CMTM4: variants seen among roughly 807,000 people sequenced by gnomAD.
CMTM4 encodes CKLF like MARVEL transmembrane domain containing 4, also known as CKLF-like MARVEL transmembrane domain-containing protein 4.
CMTM4 carries 8 observed loss-of-function variants against 19.0 expected under a neutral mutation model. The ratio of observed to expected loss-of-function variants is 0.42; its 90% CI spans 0.25 to 0.76. The LOEUF is 0.76. Among genes scored for constraint, CMTM4 ranks in the 30% least tolerant of loss-of-function variants. CMTM4 has a pLI of 0.27. For missense variants in CMTM4, 228 were observed against 290.2 expected, an observed-to-expected ratio of 0.79 and a Z score of 1.56; for synonymous variants, 106 against 121.1, an observed-to-expected ratio of 0.88 and a Z score of 0.82.
At chr16:66,658,729 T>C (rs553619874) in intron 1 of CMTM4, among the ~76,000 whole-genome samples, 1 of 152,204 alleles carries the variant, frequency 6.6e-6, no homozygotes, top group African/African-American at 2.4e-5. Flanking sequence ...GTGCCAGTAC[T>C]CCTCCCACCC....
chr16:66,622,119 C>G lies in CMTM4; in HGVS notation c.566G>C (p.Arg189Pro). 1 of 1,607,684 alleles carries G rather than the reference C, an allele frequency of 6.2e-7. No individual in the cohort carries two copies. Among genetic ancestry groups the G allele is most frequent in the Non-Finnish European group, 8.5e-7 (1 of 1,177,002 alleles). ...VRQQSTNDYI[R>P]ARTESRDVDS... is the part of the protein sequence containing the mutation. ...CACATCCCTGGACTCCGTGCGGGCT[C>G]GGATGTAGTCATTGGTGCTCTGCTG... is the stretch of plus-strand genomic sequence containing the variant. The change falls in exon 4 of 4, where the codon CGA becomes CCA. Residue 189 changes from arginine (R) to proline (P), a missense_variant. By Grantham distance (103) the Arg-to-Pro change is moderately radical. This residue lies in a region of CMTM4 where 200 missense variants were observed against 226.6 expected (regional missense o/e 0.88). Coordinates refer to ENST00000394106, the MANE Select transcript of CMTM4 (RefSeq NM_181521.3). The surrounding 1 kb of genome is among the most constrained non-coding windows in gnomAD (Gnocchi z 4.0).
chr16:66,677,980 G>A (rs1217813287), intron 1 of CMTM4, among the ~76,000 whole-genome samples: 2 of 152,158 alleles, frequency 1.3e-5, no homozygotes, highest in African/African-American at 4.8e-5. Context: ...GTACAGGTAT[G>A]AGCCACCGTG....
intron 1 of CMTM4, among the ~76,000 whole-genome samples, chr16:66,663,753 G>C (rs1440544878): frequency 6.6e-6 from 1 of 151,714 alleles, no homozygotes; most frequent in Non-Finnish European, 1.5e-5. Context: ...ATGTTGACCA[G>C]GATGGTCTCA....
rs944935980 is a variant in CMTM4, at chr16:66,622,387, A to T, written c.463-165T>A. On this transcript the variant is annotated intron_variant, in intron 3 of 3. Coordinates refer to ENST00000394106, the MANE Select transcript of CMTM4 (RefSeq NM_181521.3). The surrounding 1 kb of genome is among the most constrained non-coding windows in gnomAD (Gnocchi z 4.0). ...TTCCCCCTCTCAGCAGCCCCATTTGATCTAAAGTCTTGTTTCAAATACATA... is the reference window on the plus strand; with the variant it reads ...TTCCCCCTCTCAGCAGCCCCATTTGTTCTAAAGTCTTGTTTCAAATACATA... Among the ~76,000 whole-genome samples the T allele has an allele frequency of 6.6e-6, 1 of 152,006 alleles. No individual in the cohort carries two copies. Among genetic ancestry groups the T allele is most frequent in the South Asian group, 2.1e-4 (1 of 4,806 alleles).
chr16:66,685,403 G>A (rs1258393470), intron 1 of CMTM4, among the ~76,000 whole-genome samples: 1 of 151,874 alleles, frequency 6.6e-6, no homozygotes, highest in Non-Finnish European at 1.5e-5. Flanking sequence ...GACTGCTGTG[G>A]GGGAAGAAAA....
At chr16:66,682,432 T>G (rs910490729) in intron 1 of CMTM4, among the ~76,000 whole-genome samples, 2 of 152,154 alleles carry the variant, frequency 1.3e-5, no homozygotes, top group African/African-American at 4.8e-5. Flanking sequence ...AAACTGTTTT[T>G]CACAGTGGTG....
chr16:66,690,041 C>T (rs997527906), intron 1 of CMTM4, among the ~76,000 whole-genome samples: 1 of 152,128 alleles, frequency 6.6e-6, no homozygotes, highest in Non-Finnish European at 1.5e-5. Context: ...TATAACTTTG[C>T]TTTTCTGCCA....
At chr16:66,628,950 T>C (rs2015797370) in intron 2 of CMTM4, among the ~76,000 whole-genome samples, 1 of 152,256 alleles carries the variant, frequency 6.6e-6, no homozygotes, top group Admixed American at 6.5e-5. Flanking sequence ...TTCATTTCTC[T>C]TGGGTCATCA....
intron 1 of CMTM4, among the ~76,000 whole-genome samples, chr16:66,681,449 T>C (rs968546157): frequency 1.3e-5 from 2 of 152,022 alleles, no homozygotes; most frequent in African/African-American, 4.8e-5. Context: ...CCCAAGTAGC[T>C]GGGACTACAG....
intron 1 of CMTM4, among the ~76,000 whole-genome samples, chr16:66,677,025 G>C (rs979993926): frequency 1.3e-5 from 2 of 152,144 alleles, no homozygotes; most frequent in African/African-American, 2.4e-5. Context: ...AGGGCAGCTT[G>C]AGCCCAGGAG....
chr16:66,609,666 T>C, the CMTM4 span: 1 of 1,529,414 alleles, frequency 6.5e-7, no homozygotes. The surrounding 1 kb of genome is among the most constrained non-coding windows in gnomAD (Gnocchi z 4.4). Context: ...GATTCCAAAG[T>C]CCTCTCATTA....
At chr16:66,679,186 A>C (rs2016862989) in intron 1 of CMTM4, among the ~76,000 whole-genome samples, 1 of 152,192 alleles carries the variant, frequency 6.6e-6, no homozygotes, top group Admixed American at 6.5e-5. Flanking sequence ...TGTTCTAAGA[A>C]GTAAAGAAAA....
chr16:66,601,109 G>C, the CMTM4 span, among the ~76,000 whole-genome samples: 91 of 103,958 alleles, frequency 8.8e-4, no homozygotes, highest in South Asian at 0.016. Flanking sequence ...GTGTGTGTCT[G>C]TGTGTGTGTG....
intron 3 of CMTM4, 65 bp downstream of exon 3, chr16:66,623,339 G>A: frequency 1.7e-6 from 2 of 1,179,142 alleles, no homozygotes; most frequent in South Asian, 2.7e-5. Flanking sequence ...CACATGCCAG[G>A]GACAGGCGAG....
the CMTM4 span, among the ~76,000 whole-genome samples, chr16:66,600,136 GTTTTTTT>G: frequency 3.0e-5 from 4 of 135,158 alleles, no homozygotes; most frequent in Non-Finnish European, 3.1e-5. Flanking sequence ...GTGTGTGTGT[GTTTTTTT>G]TTGTTTTTTT....
chr16:66,643,522 T>A (rs560831521), intron 1 of CMTM4, among the ~76,000 whole-genome samples: 2 of 152,302 alleles, frequency 1.3e-5, no homozygotes, highest in Non-Finnish European at 2.9e-5. Flanking sequence ...ATTCTTCAGA[T>A]CATCAAATGC....
Position 66,617,362 on chromosome 16 carries a change from GAAAGGAAA to G in CMTM4, c.*4688_*4695del. ...TACGTTTGTGGAGTAGGAAAAACTAGAAAGGAAAAAAAAATCCCAAAGGTTGAAAAACT... is the reference window on the plus strand; with the variant it reads ...TACGTTTGTGGAGTAGGAAAAACTAGAAAAAATCCCAAAGGTTGAAAAACT... On this transcript the variant is annotated 3_prime_UTR_variant, in exon 4 of 4. Coordinates refer to ENST00000394106, the MANE Select transcript of CMTM4 (RefSeq NM_181521.3). 1 of 1,606,746 alleles carries G rather than the reference GAAAGGAAA, an allele frequency of 6.2e-7. No individual in the cohort carries two copies. The highest frequency in any genetic ancestry group is 8.5e-7 in the Non-Finnish European group (1 of 1,177,620).
Position 66,619,589 on chromosome 16 carries a change from T to A in CMTM4, c.*2469A>T. On this transcript the variant is annotated 3_prime_UTR_variant, in exon 4 of 4. Coordinates refer to ENST00000394106, the MANE Select transcript of CMTM4 (RefSeq NM_181521.3). ...ATATCGATTGTCTTCTGTTTGCATA[T>A]AGAGGCAATATAAGAAAAATATAGG... 1 of 985,376 alleles carries A rather than the reference T, an allele frequency of 1.0e-6. No homozygotes were observed. The highest frequency in any genetic ancestry group is 4.7e-5 in the South Asian group (1 of 21,282). The allele number at this position is 985,376 out of a possible 1,614,324, so 61.0% of individuals were successfully genotyped here.
chr16:66,660,480 A>G (rs947933160), intron 1 of CMTM4, among the ~76,000 whole-genome samples: 2 of 152,028 alleles, frequency 1.3e-5, no homozygotes, highest in Non-Finnish European at 2.9e-5. Context: ...TGTAAAGTCT[A>G]TTGATAAGGA....
Sources: allele counts gnomAD v4.1 joint callset (sites outside exome capture counted in the v4.1 genomes callset), GRCh38; gene constraint gnomAD v4.1.1; regional missense constraint gnomAD v4.1.1; non-coding constraint Gnocchi (gnomAD v3.1); transcripts MANE v1.5; gene names NCBI Gene and HGNC (gene_info 2026-07-23, HGNC 2026-07-21).